CNTNAP2: variants seen among roughly 807,000 people sequenced by gnomAD.
The protein encoded by CNTNAP2 is contactin-associated protein-like 2.
In CNTNAP2, 98 loss-of-function variants were observed where a neutral mutation model predicts 155.2. The ratio of observed to expected loss-of-function variants is 0.63; its 90% CI spans 0.54 to 0.75. The LOEUF is 0.75. Ranked by LOEUF, CNTNAP2 falls within the 30% of genes least tolerant of loss-of-function variation. CNTNAP2 has a pLI of 0.00. For missense variants in CNTNAP2, 1,727 were observed against 1,688.1 expected (o/e 1.02, Z -0.40); for synonymous variants, 651 against 631.2 (o/e 1.03, Z -0.47).
At chr7:147,501,070 G>A (rs545939191) in intron 11 of CNTNAP2, among the ~76,000 whole-genome samples, 106 of 152,104 alleles carry the variant, frequency 7.0e-4, no homozygotes, top group African/African-American at 2.4e-3. Flanking sequence ...TGCAAGGATG[G>A]TTTGATATAT....
intron 1 of CNTNAP2, among the ~76,000 whole-genome samples, chr7:146,613,721 T>A (rs1799177977): frequency 6.6e-6 from 1 of 152,188 alleles, no homozygotes; most frequent in African/African-American, 2.4e-5. Context: ...TTGAACTAGC[T>A]ACATTTCAAA....
chr7:147,709,448 C>T (rs1477216923), intron 13 of CNTNAP2, among the ~76,000 whole-genome samples: 2 of 152,198 alleles, frequency 1.3e-5, no homozygotes, highest in Non-Finnish European at 2.9e-5. Context: ...AAATGAATTT[C>T]ACAGAGCTCT....
intron 1 of CNTNAP2, among the ~76,000 whole-genome samples, chr7:146,590,821 T>TGTTGCTGTTCTTTAACAGC (rs1798770525): frequency 6.6e-6 from 1 of 152,180 alleles, no homozygotes; most frequent in Admixed American, 6.5e-5. Context: ...AAGCTTGCCA[T>TGTTGCTGTTCTTTAACAGC]TCTTGATTGT....
chr7:147,347,051 ATTG>A (rs1434469338), intron 9 of CNTNAP2, among the ~76,000 whole-genome samples: 3 of 152,300 alleles, frequency 2.0e-5, no homozygotes, highest in African/African-American at 7.2e-5. Context: ...GGAGGAGCCT[ATTG>A]TTTAGTGGAA....
chr7:147,077,355 C>G (rs1044116414), intron 4 of CNTNAP2, among the ~76,000 whole-genome samples: 8 of 151,926 alleles, frequency 5.3e-5, no homozygotes, highest in Non-Finnish European at 1.2e-4. Flanking sequence ...TTATGATTAG[C>G]AGAAATGCTT....
intron 3 of CNTNAP2, among the ~76,000 whole-genome samples, chr7:146,939,923 T>C (rs1797012591): frequency 6.6e-6 from 1 of 152,188 alleles, no homozygotes; most frequent in South Asian, 2.1e-4. Flanking sequence ...TATTTTTGAC[T>C]GCTTTGAATA....
intron 2 of CNTNAP2, among the ~76,000 whole-genome samples, chr7:146,818,876 T>C (rs993425804): frequency 6.6e-6 from 1 of 152,106 alleles, no homozygotes; most frequent in African/African-American, 2.4e-5. Flanking sequence ...GTATGTAAAA[T>C]ATTTAACATC....
At chr7:147,517,852 A>G (rs1378548967) in intron 11 of CNTNAP2, among the ~76,000 whole-genome samples, 1 of 152,202 alleles carries the variant, frequency 6.6e-6, no homozygotes, top group Non-Finnish European at 1.5e-5. Flanking sequence ...AAAAATAGAA[A>G]AATATTTTTA....
chr7:147,779,910 A>G (rs1797639155), intron 13 of CNTNAP2, among the ~76,000 whole-genome samples: 1 of 152,212 alleles, frequency 6.6e-6, no homozygotes, highest in Non-Finnish European at 1.5e-5. Context: ...AGCATAATCT[A>G]TTCCCTTTTA....
chr7:146,602,041 T>G (rs1056520645), intron 1 of CNTNAP2, among the ~76,000 whole-genome samples: 8 of 152,156 alleles, frequency 5.3e-5, no homozygotes, highest in African/African-American at 1.9e-4. Context: ...AGACAAATGT[T>G]TTATTTTGGG....
chr7:147,481,464 C>T (rs914663011), intron 10 of CNTNAP2, among the ~76,000 whole-genome samples: 5 of 152,210 alleles, frequency 3.3e-5, no homozygotes, highest in Non-Finnish European at 7.3e-5. Context: ...CTGTCATCCA[C>T]AGCCCTGGAT....
intron 1 of CNTNAP2, among the ~76,000 whole-genome samples, chr7:146,379,526 C>T (rs1233007169): frequency 6.6e-6 from 1 of 152,180 alleles, no homozygotes; most frequent in East Asian, 1.9e-4. Flanking sequence ...AACTTCTTCC[C>T]TATTCCATTC....
At chr7:147,492,560 A>G (rs1330233079) in intron 11 of CNTNAP2, among the ~76,000 whole-genome samples, 1 of 152,220 alleles carries the variant, frequency 6.6e-6, no homozygotes, top group Admixed American at 6.5e-5. Flanking sequence ...CAGGGAAGTT[A>G]TGGAGAGGGG....
chr7:148,091,634 C>T (rs1476360460), intron 15 of CNTNAP2, among the ~76,000 whole-genome samples: 1 of 152,164 alleles, frequency 6.6e-6, no homozygotes, highest in Non-Finnish European at 1.5e-5. Flanking sequence ...ACATAAAGAA[C>T]ATCCAAAGCT....
At chr7:146,990,080 TA>T (rs532120864) in intron 3 of CNTNAP2, among the ~76,000 whole-genome samples, 41 of 149,986 alleles carry the variant, frequency 2.7e-4, no homozygotes, top group Middle Eastern at 3.4e-3. Context: ...AAATAAAAAA[TA>T]AAAAAAAAGG....
chr7:148,025,604 T>C (rs1802360519), intron 15 of CNTNAP2, among the ~76,000 whole-genome samples: 1 of 152,202 alleles, frequency 6.6e-6, no homozygotes, highest in Non-Finnish European at 1.5e-5. Flanking sequence ...ATACAAATAC[T>C]TCCTGTTACC....
chr7:147,856,629 CTTTT>C (rs3055148), intron 13 of CNTNAP2, among the ~76,000 whole-genome samples: 1 of 145,264 alleles, frequency 6.9e-6, no homozygotes, highest in African/African-American at 2.5e-5. Context: ...ATTAGTTTGG[CTTTT>C]TTTTTTTTTC....
intron 13 of CNTNAP2, among the ~76,000 whole-genome samples, chr7:147,711,127 T>C (rs1453241570): frequency 6.6e-6 from 1 of 152,208 alleles, no homozygotes; most frequent in Non-Finnish European, 1.5e-5. Context: ...TTGATCTTGG[T>C]AGCCTTACTT....
At chr7:146,129,597 T>G (rs1421793259) in intron 1 of CNTNAP2, among the ~76,000 whole-genome samples, 1 of 152,214 alleles carries the variant, frequency 6.6e-6, no homozygotes, top group Non-Finnish European at 1.5e-5. Flanking sequence ...CTTCTAGACC[T>G]GGAACTAAAA....
Sources: gnomAD v4.1 joint callset for allele counts (sites outside exome capture counted in the v4.1 genomes callset) on GRCh38, gnomAD v4.1.1 for gene constraint, MANE v1.5 for transcripts, NCBI Gene and HGNC (gene_info 2026-07-23, HGNC 2026-07-21) for gene names.